OTOGL: variants seen among roughly 807,000 people sequenced by gnomAD.
OTOGL encodes otogelin-like protein.
In OTOGL, 285 loss-of-function variants were observed where a neutral mutation model predicts 318.5. That is an observed-to-expected ratio of 0.89 (90% CI 0.81 to 0.99). The LOEUF (loss-of-function observed/expected upper bound fraction) is 0.99, where lower values mean the gene tolerates loss of function less well. Ranked by LOEUF, OTOGL falls within the 50% of genes least tolerant of loss-of-function variation. OTOGL has a pLI of 0.00. For missense variants in OTOGL, 2,899 were observed against 2,845.6 expected (o/e 1.02, Z -0.43); for synonymous variants, 987 against 936.5 (o/e 1.05, Z -0.99).
intron 1 of OTOGL, among the ~76,000 whole-genome samples, chr12:80,144,246 C>T (rs942047934): frequency 1.3e-5 from 2 of 152,128 alleles, no homozygotes; most frequent in South Asian, 2.1e-4. Context: ...GTGATGTTCC[C>T]CTTCTGTGTC....
chr12:80,156,134 G>T (rs1873099462), intron 1 of OTOGL, among the ~76,000 whole-genome samples: 1 of 152,198 alleles, frequency 6.6e-6, no homozygotes, highest in African/African-American at 2.4e-5. Context: ...GACTGCGAAA[G>T]GCAGACCCTA....
At chr12:80,119,380 C>T (rs990528077) in intron 1 of OTOGL, among the ~76,000 whole-genome samples, 3 of 152,174 alleles carry the variant, frequency 2.0e-5, no homozygotes, top group African/African-American at 7.2e-5. Flanking sequence ...TCTCCTTGCC[C>T]CTAAATTCAG....
At chr12:80,152,599 C>T (rs528759996) in intron 1 of OTOGL, among the ~76,000 whole-genome samples, 2 of 152,254 alleles carry the variant, frequency 1.3e-5, no homozygotes, top group East Asian at 3.9e-4. Flanking sequence ...CACCAATGAC[C>T]TTTGAGTATT....
chr12:80,214,839 C>A (rs1226841548), intron 4 of OTOGL, among the ~76,000 whole-genome samples: 1 of 152,032 alleles, frequency 6.6e-6, no homozygotes, highest in Non-Finnish European at 1.5e-5. Context: ...ATTTATATGA[C>A]ATAAAAAATA....
rs56073025 is a variant in OTOGL at position 80,170,213 on chromosome 12, GTA to G, written c.-19-39198_-19-39197del. Reference sequence around the variant, plus strand: ...TGTGTGTGTGTGTGTGTGTGTGTGTGTATGTATGTGTGTGTGTGTATGTATGT... The same window carrying G: ...TGTGTGTGTGTGTGTGTGTGTGTGTGTGTATGTGTGTGTGTGTATGTATGT... On this transcript the variant is annotated intron_variant, in intron 1 of 58. Coordinates refer to ENST00000547103, the MANE Select transcript of OTOGL (RefSeq NM_001378609.3). Among the ~76,000 whole-genome samples, 572 of 116,686 alleles carry G rather than the reference GTA, an allele frequency of 4.9e-3. 2 individuals carry two copies. Among genetic ancestry groups the G allele is most frequent in the South Asian group, 0.02 (81 of 3,962 alleles). 76.6% of individuals were successfully genotyped at this position (116,686 alleles called of 152,430 possible). A position where few individuals can be genotyped will look rare whatever the true frequency, so the allele number is the denominator to read the frequency against.
chr12:80,298,126 G>A (rs1885532808), intron 27 of OTOGL, among the ~76,000 whole-genome samples: 2 of 152,312 alleles, frequency 1.3e-5, no homozygotes, highest in South Asian at 4.1e-4. Context: ...GGCTACAACA[G>A]TGAAATAACA....
At chr12:80,265,392 G>T (rs1389077268) in intron 20 of OTOGL, 182 bp downstream of exon 20, 2 of 691,328 alleles carry the variant, frequency 2.9e-6, no homozygotes, top group East Asian at 5.6e-5. Flanking sequence ...AGATATGTTG[G>T]ATAAGACCAA....
chr12:80,344,885 T>A (rs896878241), intron 44 of OTOGL, among the ~76,000 whole-genome samples: 4 of 150,612 alleles, frequency 2.7e-5, no homozygotes, highest in Non-Finnish European at 3.0e-5. Flanking sequence ...ATAATTTTTT[T>A]AAGTGTTATA....
intron 1 of OTOGL, among the ~76,000 whole-genome samples, chr12:80,112,705 C>CTTTTTTTTTTTTTTTTTTTTTTT (rs546093754): frequency 7.8e-6 from 1 of 128,672 alleles, no homozygotes; most frequent in Non-Finnish European, 1.6e-5. Context: ...CTGAAATTTT[C>CTTTTTTTTTTTTTTTTTTTTTTT]TTTCTTTTTT....
chr12:80,143,956 C>T (rs1231197344), intron 1 of OTOGL, among the ~76,000 whole-genome samples: 1 of 151,888 alleles, frequency 6.6e-6, no homozygotes, highest in Non-Finnish European at 1.5e-5. Context: ...CTAATTTACA[C>T]TCAGAAAATA....
intron 1 of OTOGL, among the ~76,000 whole-genome samples, chr12:80,152,957 G>A (rs1214801032): frequency 6.6e-6 from 1 of 152,176 alleles, no homozygotes; most frequent in African/African-American, 2.4e-5. Context: ...GCCTCCCAAA[G>A]TGCTGGGATT....
In OTOGL at chr12:80,353,106, C is replaced by A. The variant is rs11611596; in HGVS notation, c.5408-219C>A. On this transcript the variant is annotated intron_variant, in intron 45 of 58. Coordinates refer to ENST00000547103, the MANE Select transcript of OTOGL (RefSeq NM_001378609.3). Reference sequence around the variant, plus strand: ...TACCATAACAGCTAATCCTAGCAGACCCTTAGAAAATGTTTAAAAATTACA... The same window carrying A: ...TACCATAACAGCTAATCCTAGCAGAACCTTAGAAAATGTTTAAAAATTACA... 0.1 allele frequency among the ~76,000 whole-genome samples: 15,415 copies of A among 152,012 alleles called. 884 individuals are homozygous for A. The highest frequency in any genetic ancestry group is 0.17 in the East Asian group (863 of 5,170).
chr12:80,240,700 A>G (rs1370641461), intron 11 of OTOGL, among the ~76,000 whole-genome samples: 1 of 152,076 alleles, frequency 6.6e-6, no homozygotes, highest in South Asian at 2.1e-4. Flanking sequence ...CTAAGTTTCC[A>G]TTGGAAATTA....
At chr12:80,150,466 A>T (rs1398945501) in intron 1 of OTOGL, among the ~76,000 whole-genome samples, 2 of 152,192 alleles carry the variant, frequency 1.3e-5, no homozygotes, top group Admixed American at 1.3e-4. Context: ...AATGTTAAGG[A>T]CTCATCCATC....
Position 80,252,064 on chromosome 12 carries a change from T to TAA in OTOGL, c.1160-12_1160-11insAA. On this transcript the variant is annotated splice_polypyrimidine_tract_variant and intron_variant, in intron 12 of 58. Coordinates refer to ENST00000547103, the MANE Select transcript of OTOGL (RefSeq NM_001378609.3). ...TAAAATTGACTTAAGCTCCCCTGTT[T>TAA]GTCTGTTTTAGCTGATAAATGTGAT... 6.6e-6 allele frequency: 10 copies of TAA among 1,519,658 alleles called. No individual in the cohort carries two copies. The highest frequency in any genetic ancestry group is 8.8e-6 in the Non-Finnish European group (10 of 1,131,324). 94.1% of individuals were successfully genotyped at this position (1,519,658 alleles called of 1,614,324 possible).
rs1889679512 is a variant in OTOGL at position 80,353,404 on chromosome 12, C to T, written c.5487C>T (p.Phe1829=). The T allele has an allele frequency of 6.2e-7, 1 of 1,603,202 alleles. No individual in the cohort carries two copies. The highest frequency in any genetic ancestry group is 1.7e-5 in the Admixed American group (1 of 58,654). The change falls in exon 46 of 59, where the codon TTC becomes TTT. Residue 1829 remains phenylalanine, a synonymous_variant. Coordinates refer to ENST00000547103, the MANE Select transcript of OTOGL (RefSeq NM_001378609.3). ...CEARTCLNQW[F]YGHTSCLNLR... Reference sequence around the variant, plus strand: ...CAAGAACATGCCTGAACCAATGGTTCTATGGACACACTTCCTGTTTGAATC... The same window carrying T: ...CAAGAACATGCCTGAACCAATGGTTTTATGGACACACTTCCTGTTTGAATC...
intron 1 of OTOGL, chr12:80,189,334 T>A: frequency 1.5e-6 from 1 of 665,376 alleles, no homozygotes; most frequent in Non-Finnish European, 1.9e-6. Flanking sequence ...TAATGTTTAT[T>A]TTCTTTTAGG....
intron 1 of OTOGL, among the ~76,000 whole-genome samples, chr12:80,156,694 G>A (rs1207221319): frequency 6.6e-6 from 1 of 152,142 alleles, no homozygotes; most frequent in Non-Finnish European, 1.5e-5. Context: ...TGCCATTCAT[G>A]TATGAAGTGA....
intron 26 of OTOGL, among the ~76,000 whole-genome samples, chr12:80,291,964 T>TC (rs1885070827): frequency 6.6e-6 from 1 of 152,116 alleles, no homozygotes; most frequent in South Asian, 2.1e-4. Context: ...CTTTTCTTTT[T>TC]TTTCTTTTTC....
Sources: allele counts gnomAD v4.1 joint callset (sites outside exome capture counted in the v4.1 genomes callset), GRCh38; gene constraint gnomAD v4.1.1; transcripts MANE v1.5; gene names NCBI Gene and HGNC (gene_info 2026-07-23, HGNC 2026-07-21).